Variants in KLF7 observed in about 807,000 individuals in gnomAD.
KLF7 encodes Krueppel-like factor 7.
A neutral mutation model predicts 27.3 loss-of-function variants in KLF7; 2 were observed. That is an observed-to-expected ratio of 0.07 (90% CI 0.03 to 0.23). The LOEUF is 0.23. Among genes scored for constraint, KLF7 ranks in the 10% least tolerant of loss-of-function variants. The probability of loss-of-function intolerance (pLI) is 1.00; values close to 1 mark genes in which losing one functional copy is unlikely to be tolerated. For missense variants in KLF7, 221 were observed against 394.1 expected, an observed-to-expected ratio of 0.56 and a Z score of 3.72; for synonymous variants, 165 against 162.4, an observed-to-expected ratio of 1.02 and a Z score of -0.12.
chr2:207,093,873 C>A (rs1396393713), intron 2 of KLF7, among the ~76,000 whole-genome samples: 5 of 152,294 alleles, frequency 3.3e-5, no homozygotes, highest in Admixed American at 3.3e-4. Flanking sequence ...ATCTGATATC[C>A]TTCTTTGACA....
upstream of KLF7, chr2:207,167,352 T>TTCC (rs942034963): frequency 5.6e-6 from 2 of 354,376 alleles, no homozygotes; most frequent in Admixed American, 4.8e-5. Flanking sequence ...TGAGCTGAGC[T>TTCC]TCCACTTTTG....
intron 2 of KLF7, among the ~76,000 whole-genome samples, chr2:207,097,286 C>T (rs1424078370): frequency 6.6e-6 from 1 of 152,040 alleles, no homozygotes; most frequent in Admixed American, 6.5e-5. Flanking sequence ...TCCCACTTCC[C>T]TATACTCATG....
chr2:207,144,898 A>G (rs760518121), intron 1 of KLF7, among the ~76,000 whole-genome samples: 13 of 152,200 alleles, frequency 8.5e-5, no homozygotes, highest in Admixed American at 2.6e-4. Context: ...ACTTGCATCA[A>G]TTCAATCCAT....
At chr2:207,089,769 A>G (rs1167117517) in intron 2 of KLF7, among the ~76,000 whole-genome samples, 3 of 152,198 alleles carry the variant, frequency 2.0e-5, no homozygotes, top group African/African-American at 7.2e-5. Flanking sequence ...AGATAAATCA[A>G]TACACATGCA....
intron 2 of KLF7, among the ~76,000 whole-genome samples, chr2:207,112,716 C>T (rs2077069847): frequency 6.6e-6 from 1 of 152,216 alleles, no homozygotes; most frequent in Non-Finnish European, 1.5e-5. Flanking sequence ...AAGAATCTTC[C>T]TTGTCGCACT....
rs1423793258 is a variant in KLF7 at position 207,075,832 on chromosome 2, C to G, written c.*5381G>C. 2 of 152,100 alleles carry G rather than the reference C, an allele frequency of 1.3e-5. No individual in the cohort carries two copies. The highest frequency in any genetic ancestry group is 4.8e-5 in the African/African-American group (2 of 41,390). The allele number at this position is 152,100 out of a possible 1,614,324, so 9.4% of individuals were successfully genotyped here. On this transcript the variant is annotated 3_prime_UTR_variant, in exon 4 of 4. Coordinates refer to ENST00000309446, the MANE Select transcript of KLF7 (RefSeq NM_003709.4). The stretch of plus-strand genomic sequence containing the variant: ...GAAAGATAAGGAAATTAAACTAAGT[C>G]TGGGTTTAGATAGGAAATGCATGCT...
At chr2:207,167,094 C>T, upstream of KLF7, 1 of 1,392,834 alleles carries the variant, frequency 7.2e-7, no homozygotes, top group Non-Finnish European at 9.3e-7. Context: ...GGGGCGCAAG[C>T]TGGAGCCGGC....
chr2:207,074,454 T>C lies in KLF7; in HGVS notation c.*6759A>G, dbSNP rs2076144881. 1 of 152,236 alleles carries C rather than the reference T, an allele frequency of 6.6e-6. No individual in the cohort carries two copies. Among genetic ancestry groups the C allele is most frequent in the Admixed American group, 6.5e-5 (1 of 15,286 alleles). 9.4% of individuals were successfully genotyped at this position (152,236 alleles called of 1,614,324 possible). A position where few individuals can be genotyped will look rare whatever the true frequency, so the allele number is the denominator to read the frequency against. ...TACTTTTCTTTTCAGTTCTGAGAAT[T>C]TTCCCTGGGGCTTTCATCTCCCTCT... On this transcript the variant is annotated 3_prime_UTR_variant, in exon 4 of 4. Transcript: ENST00000309446.
chr2:207,094,477 G>A (rs562411765), intron 2 of KLF7, among the ~76,000 whole-genome samples: 154 of 152,302 alleles, frequency 1.0e-3, no homozygotes, highest in African/African-American at 3.2e-3. Context: ...AACTGGAAAA[G>A]AGGAATACTT....
chr2:207,113,270 C>T (rs1223621952), intron 2 of KLF7, among the ~76,000 whole-genome samples: 2 of 152,036 alleles, frequency 1.3e-5, no homozygotes, highest in African/African-American at 2.4e-5. Context: ...AAGACCAAAG[C>T]TGTCATTTGA....
intron 2 of KLF7, among the ~76,000 whole-genome samples, chr2:207,102,967 C>A (rs2076802395): frequency 6.6e-6 from 1 of 152,176 alleles, no homozygotes; most frequent in Non-Finnish European, 1.5e-5. Context: ...CTCGCTCTGT[C>A]ACCCAGGTTG....
chr2:207,132,159 A>AT (rs1033727999), intron 1 of KLF7, among the ~76,000 whole-genome samples: 52 of 152,032 alleles, frequency 3.4e-4, no homozygotes, highest in African/African-American at 8.9e-4. Flanking sequence ...ATCTTACTGC[A>AT]TTTTTTTTAA....
intron 3 of KLF7, among the ~76,000 whole-genome samples, chr2:207,086,639 C>A (rs1223006055): frequency 2.0e-5 from 3 of 152,230 alleles, no homozygotes; most frequent in Non-Finnish European, 4.4e-5. Flanking sequence ...GAACATTTCT[C>A]CACGTAAATC....
chr2:207,116,482 A>G (rs1213899035), intron 2 of KLF7, among the ~76,000 whole-genome samples: 1 of 152,206 alleles, frequency 6.6e-6, no homozygotes, highest in Non-Finnish European at 1.5e-5. Flanking sequence ...TTTCAACTTC[A>G]GGAAACATAG....
At chr2:207,105,475 G>C (rs1456592734) in intron 2 of KLF7, among the ~76,000 whole-genome samples, 1 of 152,200 alleles carries the variant, frequency 6.6e-6, no homozygotes, top group African/African-American at 2.4e-5. Context: ...TGGCTGAGAT[G>C]ACTTTTTAAG....
chr2:207,162,681 A>T (rs1456946966), intron 1 of KLF7, among the ~76,000 whole-genome samples: 1 of 152,234 alleles, frequency 6.6e-6, no homozygotes, highest in Non-Finnish European at 1.5e-5. Context: ...ATTAAGCAGG[A>T]CAATTATCCC....
At chr2:207,146,585 T>C (rs1409806576) in intron 1 of KLF7, among the ~76,000 whole-genome samples, 1 of 152,156 alleles carries the variant, frequency 6.6e-6, no homozygotes, top group Non-Finnish European at 1.5e-5. Flanking sequence ...TGTTGTCCTG[T>C]GTTTCCCTTG....
At chr2:207,084,358 G>A (rs2359964) in intron 3 of KLF7, among the ~76,000 whole-genome samples, 33,832 of 152,006 alleles carry the variant, frequency 0.22, 3,991 homozygotes, top group South Asian at 0.29. Context: ...TATGTGTTCG[G>A]CTTTATATCT....
At position 207,113,136 on chromosome 2, in the gene KLF7, G is replaced by A. The variant is rs557307005; in HGVS notation, c.733+10638C>T. Among the ~76,000 whole-genome samples the A allele has an allele frequency of 2.6e-3, 396 of 152,268 alleles. 2 individuals are homozygous for A. Among genetic ancestry groups the A allele is most frequent in the Admixed American group, 3.5e-3 (54 of 15,302 alleles). ...ATTTGGTCCATTTAAGAAATAAGGT[G>A]GCACTATCCTTAAGATGTTAAAGAT... is the stretch of plus-strand genomic sequence containing the variant. On this transcript the variant is annotated intron_variant, in intron 2 of 3. Transcript: ENST00000309446.
Sources: allele counts gnomAD v4.1 joint callset (sites outside exome capture counted in the v4.1 genomes callset), GRCh38; gene constraint gnomAD v4.1.1; transcripts MANE v1.5; gene names NCBI Gene and HGNC (gene_info 2026-07-23, HGNC 2026-07-21).